The following PALMD variants were observed in gnomAD, a reference collection of about 807,000 sequenced individuals.
PALMD encodes the protein palmdelphin, also known as paralemmin-like protein.
Under a neutral mutation model 56.2 loss-of-function variants are expected in PALMD, and 42 were observed. The observed-to-expected ratio is 0.75, with a 90% CI of 0.58 to 0.97. PALMD has a LOEUF of 0.97. Ranked by LOEUF, PALMD falls within the 50% of genes least tolerant of loss-of-function variation. PALMD has a pLI of 0.00. For missense variants in PALMD, 660 were observed against 643.8 expected (o/e 1.03, Z -0.27); for synonymous variants, 242 against 222.9 (o/e 1.09, Z -0.76).
At chr1:99,668,340 G>C (rs1653012952) in intron 3 of PALMD, 1 of 152,370 alleles carries the variant, frequency 6.6e-6, no homozygotes, top group African/African-American at 2.4e-5. Context: ...AGTGCATATT[G>C]ATGACTTACT....
chr1:99,662,247 T>G, intron 1 of PALMD, 72 bp from the exon 2 acceptor site: 1 of 803,976 alleles, frequency 1.2e-6, no homozygotes, highest in Non-Finnish European at 2.1e-6. Context: ...ATTCAGATAG[T>G]GACAACAACC....
intron 5 of PALMD, 38 bp downstream of exon 5, chr1:99,687,001 T>A: frequency 6.6e-7 from 1 of 1,525,628 alleles, no homozygotes; most frequent in Non-Finnish European, 9.0e-7. Context: ...TTAAACTAAG[T>A]TTTTTTGGTA....
intron 1 of PALMD, among the ~76,000 whole-genome samples, chr1:99,655,507 G>T (rs1390842813): frequency 6.6e-6 from 1 of 151,838 alleles, no homozygotes; most frequent in Non-Finnish European, 1.5e-5. Flanking sequence ...CTTTGCTAGG[G>T]ATTAATCCGT....
intron 6 of PALMD, 26 bp downstream of exon 6, chr1:99,687,215 G>C (rs768821002): frequency 9.1e-5 from 143 of 1,571,670 alleles, no homozygotes; most frequent in Non-Finnish European, 1.1e-4. Context: ...GTGTTGAAGG[G>C]CATGTTCTTA....
intron 3 of PALMD, among the ~76,000 whole-genome samples, chr1:99,679,215 T>C (rs1042712446): frequency 6.6e-6 from 1 of 152,142 alleles, no homozygotes; most frequent in African/African-American, 2.4e-5. Context: ...TAAGAGCCAG[T>C]CATAAACTTA....
chr1:99,652,235 A>G (rs1418694750), intron 1 of PALMD, among the ~76,000 whole-genome samples: 1 of 152,214 alleles, frequency 6.6e-6, no homozygotes, highest in Non-Finnish European at 1.5e-5. Context: ...TCTGCTCATC[A>G]GATTTTCTGA....
At chr1:99,678,051 G>T (rs1653252963) in intron 3 of PALMD, among the ~76,000 whole-genome samples, 1 of 151,656 alleles carries the variant, frequency 6.6e-6, no homozygotes, top group Non-Finnish European at 1.5e-5. Context: ...CAATGGGGTT[G>T]TCACAGGTGG....
chr1:99,652,630 AAAAGG>A (rs1197463703), intron 1 of PALMD, among the ~76,000 whole-genome samples: 4 of 150,644 alleles, frequency 2.7e-5, no homozygotes, highest in Non-Finnish European at 5.9e-5. Context: ...CAGAAAAGAG[AAAAGG>A]AAAGGAAAGA....
In PALMD at chr1:99,674,763, G is replaced by T. The variant is rs150990748; in HGVS notation, c.251+6997G>T. On this transcript the variant is annotated intron_variant, in intron 3 of 7. Transcript: ENST00000263174. ...CATAAATCTTTGGCTGTGCTGACAT[G>T]AGTAAAGACAAAACAAAGGAGCAAC... is the stretch of plus-strand genomic sequence containing the variant. 4.7e-3 allele frequency among the ~76,000 whole-genome samples: 710 copies of T among 152,294 alleles called. 9 individuals carry two copies. Among genetic ancestry groups the T allele is most frequent in the African/African-American group, 0.016 (671 of 41,556 alleles).
chr1:99,678,513 A>T (rs959664456), intron 3 of PALMD, among the ~76,000 whole-genome samples: 9 of 152,148 alleles, frequency 5.9e-5, no homozygotes, highest in African/African-American at 2.2e-4. Context: ...GAATACTACT[A>T]TTATTCCCTA....
chr1:99,680,659 A>T (rs1172425580), intron 3 of PALMD, among the ~76,000 whole-genome samples: 3 of 152,188 alleles, frequency 2.0e-5, no homozygotes, highest in South Asian at 2.1e-4. Flanking sequence ...CTAACCCATC[A>T]GCTGAAAGAT....
intron 3 of PALMD, 162 bp downstream of exon 3, chr1:99,667,928 G>A (rs1431684521): frequency 1.6e-6 from 1 of 612,630 alleles, no homozygotes; most frequent in Non-Finnish European, 2.8e-6. Context: ...ACCCAGGCTG[G>A]AGTGCAGTGA....
chr1:99,646,917 G>T (rs573085932), intron 1 of PALMD, among the ~76,000 whole-genome samples: 2 of 152,148 alleles, frequency 1.3e-5, no homozygotes, highest in African/African-American at 2.4e-5. Flanking sequence ...GTAAAAGCAC[G>T]TATCAGATTA....
intron 3 of PALMD, chr1:99,685,154 G>A (rs1653457501): frequency 6.6e-6 from 1 of 150,466 alleles, no homozygotes. Flanking sequence ...TCATCTCTTA[G>A]TGTCACCACA....
intron 3 of PALMD, among the ~76,000 whole-genome samples, chr1:99,682,453 T>C (rs1653364673): frequency 6.6e-6 from 1 of 152,160 alleles, no homozygotes; most frequent in Non-Finnish European, 1.5e-5. Flanking sequence ...GCAACTTTCA[T>C]CCAGTGACTT....
chr1:99,672,076 A>T (rs1213843756), intron 3 of PALMD, among the ~76,000 whole-genome samples: 1 of 152,168 alleles, frequency 6.6e-6, no homozygotes, highest in African/African-American at 2.4e-5. Flanking sequence ...AATATTTAAC[A>T]TATTAAAGAC....
chr1:99,666,258 A>T (rs181034813), intron 2 of PALMD, among the ~76,000 whole-genome samples: 2 of 152,020 alleles, frequency 1.3e-5, no homozygotes, highest in Admixed American at 1.3e-4. Flanking sequence ...TTTTTTAAGA[A>T]AAAAAGATTT....
At chr1:99,665,648 A>G (rs1249537097) in intron 2 of PALMD, among the ~76,000 whole-genome samples, 1 of 152,076 alleles carries the variant, frequency 6.6e-6, no homozygotes, top group Non-Finnish European at 1.5e-5. Flanking sequence ...AGACCACCCC[A>G]TCTGAGTGTT....
intron 1 of PALMD, among the ~76,000 whole-genome samples, chr1:99,652,898 G>T (rs1185739558): frequency 6.6e-6 from 1 of 152,158 alleles, no homozygotes; most frequent in Non-Finnish European, 1.5e-5. Context: ...TCCCCAGTTT[G>T]CAAGGAATAG....
Sources: gnomAD v4.1 joint callset for allele counts (sites outside exome capture counted in the v4.1 genomes callset) on GRCh38, gnomAD v4.1.1 for gene constraint, MANE v1.5 for transcripts, NCBI Gene and HGNC (gene_info 2026-07-23, HGNC 2026-07-21) for gene names.